Variants in ZFHX3 observed in about 807,000 individuals in gnomAD.
The protein encoded by ZFHX3 is zinc finger homeobox protein 3.
A neutral mutation model predicts 279.1 loss-of-function variants in ZFHX3; 42 were observed. The ratio of observed to expected loss-of-function variants is 0.15; its 90% CI spans 0.12 to 0.19. The LOEUF is 0.19. Among genes scored for constraint, ZFHX3 ranks in the 10% least tolerant of loss-of-function variants. The probability of loss-of-function intolerance (pLI) is 1.00; values close to 1 mark genes in which losing one functional copy is unlikely to be tolerated. For synonymous variants in ZFHX3, 2,293 were observed against 1,957.8 expected, an observed-to-expected ratio of 1.17 and a Z score of -4.52; for missense variants, 4,981 against 4,754.0, an observed-to-expected ratio of 1.05 and a Z score of -1.40.
chr16:73,833,813 A>G lies in ZFHX3; in HGVS notation c.-1608+57838T>C, dbSNP rs796491393. Among the ~76,000 whole-genome samples the G allele has an allele frequency of 2.0e-5, 3 of 149,996 alleles. No individual in the cohort carries two copies. In the South Asian group the frequency reaches 6.5e-4, roughly 32 times the overall value. Reference sequence around the variant, plus strand: ...TACATCATACAATGTGGTACCCGACATATGGTAGGTATTGAGCACCCACCA... The same window carrying G: ...TACATCATACAATGTGGTACCCGACGTATGGTAGGTATTGAGCACCCACCA... On this transcript the variant is annotated intron_variant, in intron 1 of 17. Coordinates refer to the ZFHX3 transcript ENST00000641206.
intron 1 of ZFHX3, among the ~76,000 whole-genome samples, chr16:73,689,944 TGA>T (rs2053132273): frequency 6.6e-6 from 1 of 151,888 alleles, no homozygotes; most frequent in Non-Finnish European, 1.5e-5. Flanking sequence ...CTCAGCCTCC[TGA>T]GTAGCATCAC....
intron 3 of ZFHX3, among the ~76,000 whole-genome samples, chr16:73,409,618 A>G (rs1228561051): frequency 6.6e-6 from 1 of 152,222 alleles, no homozygotes; most frequent in African/African-American, 2.4e-5. Flanking sequence ...ACTGCTGGGT[A>G]TAATCCCCAA....
intron 4 of ZFHX3, among the ~76,000 whole-genome samples, chr16:73,311,561 G>A (rs980369420): frequency 3.1e-5 from 4 of 129,926 alleles, no homozygotes; most frequent in African/African-American, 1.2e-4. Flanking sequence ...CAGCACTCCA[G>A]CCTGGGCGAC....
At position 72,787,752 on chromosome 16, in the gene ZFHX3, G is replaced by A. The variant is rs369714735; in HGVS notation, c.10524C>T (p.Gly3508=). 2.0e-5 allele frequency: 28 copies of A among 1,419,238 alleles called. 3 individuals carry two copies. The highest frequency in any genetic ancestry group is 4.0e-5 in the South Asian group (2 of 50,364). The allele number at this position is 1,419,238 out of a possible 1,614,324, so 87.9% of individuals were successfully genotyped here. A position where few individuals can be genotyped will look rare whatever the true frequency, so the allele number is the denominator to read the frequency against. The change falls in exon 10 of 10, where the codon GGC becomes GGT. Residue 3508 remains glycine, a synonymous_variant. Coordinates refer to ENST00000268489, the MANE Select transcript of ZFHX3 (RefSeq NM_006885.4). ...QEMVLHVPTG[G]GGGGSGGGGG... ...CGCCGCCGCCACTGCCACCGCCGCC[G>A]CCGCCGGTGGGGACGTGAAGCACCA...
chr16:73,058,194 C>CCGGCGG, intron 1 of ZFHX3, among the ~76,000 whole-genome samples: 1 of 144,206 alleles, frequency 6.9e-6, no homozygotes, highest in South Asian at 2.1e-4. Flanking sequence ...TCGCCGGCGG[C>CCGGCGG]CGGCGGCGGC....
intron 5 of ZFHX3, among the ~76,000 whole-genome samples, chr16:73,178,226 C>T (rs755286148): frequency 2.6e-5 from 4 of 151,912 alleles, no homozygotes; most frequent in Non-Finnish European, 4.4e-5. Flanking sequence ...CAACCTCTGC[C>T]TCCTCAGTTC....
Position 72,795,157 on chromosome 16 carries a change from G to C in ZFHX3, c.7525C>G (p.Leu2509Val). ...GGAGTTGATGTGTGGAGGGGCTTGA[G>C]GGGCAGGTGGGAGAGCTGGGAAGGA... ...PSPSQLSHLP[L>V]KPLHTSTPQQ... The change falls in exon 9 of 10, where the codon CTC (leucine) becomes GTC (valine). Residue 2509 changes from leucine to valine, a missense_variant. By Grantham distance (32) the Leu-to-Val change is conservative. Coordinates refer to ENST00000268489, the MANE Select transcript of ZFHX3 (RefSeq NM_006885.4). 1 of 1,612,486 alleles carries C rather than the reference G, an allele frequency of 6.2e-7. No homozygotes were observed. Among genetic ancestry groups the C allele is most frequent in the Middle Eastern group, 1.7e-4 (1 of 6,048 alleles).
chr16:73,093,432 C>A, exon 8 of ZFHX3: 1 of 482,088 alleles, frequency 2.1e-6, no homozygotes. Flanking sequence ...CGTTTGAGGG[C>A]CCCTTTCGCT....
chr16:73,683,777 G>A (rs1597064608), intron 1 of ZFHX3, among the ~76,000 whole-genome samples: 1 of 152,068 alleles, frequency 6.6e-6, no homozygotes, highest in African/African-American at 2.4e-5. Context: ...GTGCAACTCT[G>A]GATTCTCATT....
At position 72,959,570 on chromosome 16, in the gene ZFHX3, C is replaced by T. The variant is rs753637843; in HGVS notation, c.576G>A (p.Pro192=). ...CTATGTGGAAAGTGTTGATGATCTG[C>T]GGGTACACGGGTGCAGCACACGAAG... ...GDPSCAAPVY[P]QIINTFHIAS... The change falls in exon 2 of 10, where the codon CCG becomes CCA. Residue 192 remains proline, a synonymous_variant. Transcript: ENST00000268489. The T allele has an allele frequency of 4.3e-5, 70 of 1,614,028 alleles. No individual in the cohort carries two copies. In the Admixed American group the frequency reaches 9.0e-4, roughly 21 times the overall value.
intron 5 of ZFHX3, among the ~76,000 whole-genome samples, chr16:73,176,264 G>A (rs1967661202): frequency 6.6e-6 from 1 of 152,162 alleles, no homozygotes; most frequent in Non-Finnish European, 1.5e-5. Flanking sequence ...AGAAGGGTTT[G>A]GGGATGAATT....
intron 1 of ZFHX3, among the ~76,000 whole-genome samples, chr16:73,777,993 G>A (rs571670744): frequency 6.6e-6 from 1 of 151,984 alleles, no homozygotes; most frequent in African/African-American, 2.4e-5. Flanking sequence ...TCATGCCCTT[G>A]CATTCCAGCC....
chr16:72,788,562 C>G lies in ZFHX3; in HGVS notation c.9714G>C (p.Glu3238Asp), dbSNP rs772483176. 2.5e-6 allele frequency: 4 copies of G among 1,614,130 alleles called. No homozygotes were observed. In the East Asian group the frequency reaches 8.9e-5, roughly 36 times the overall value. ...GTGCCTTTTCCTTCTCCTTTACTTT[C>G]TCACTGTCTTTGTCCTTGCGTTGCT... is the stretch of plus-strand genomic sequence containing the variant. ...QQQQRKDKDS[E>D]KVKEKEKAHK... Residue 3238 changes from glutamate (E) to aspartate (D), a missense_variant, in exon 10 of 10, where the codon GAG (glutamate) becomes GAC (aspartate). Physicochemically the swap from Glu to Asp is conservative, Grantham distance 45 (BLOSUM62 2). This residue lies in a region of ZFHX3 where 1,034 missense variants were observed against 786.0 expected (regional missense o/e 1.32). Transcript: ENST00000268489.
chr16:73,737,613 A>G (rs778794819), intron 1 of ZFHX3, among the ~76,000 whole-genome samples: 3 of 152,174 alleles, frequency 2.0e-5, no homozygotes, highest in African/African-American at 2.4e-5. Context: ...CAAAGCTTCA[A>G]AGCAAGGGTC....
chr16:73,531,956 C>T (rs2019811835), intron 2 of ZFHX3, among the ~76,000 whole-genome samples: 1 of 151,512 alleles, frequency 6.6e-6, no homozygotes, highest in Admixed American at 6.6e-5. Context: ...GGATATGTGG[C>T]ATGCACCTGT....
At chr16:73,513,012 A>G (rs1445611778) in intron 2 of ZFHX3, among the ~76,000 whole-genome samples, 2 of 152,228 alleles carry the variant, frequency 1.3e-5, no homozygotes, top group Admixed American at 6.5e-5. Flanking sequence ...CCTAGTTTCA[A>G]TGAGGATAAT....
chr16:72,842,087 T>C (rs936053003), intron 4 of ZFHX3, among the ~76,000 whole-genome samples: 9 of 152,172 alleles, frequency 5.9e-5, no homozygotes, highest in African/African-American at 2.2e-4. Flanking sequence ...AAAGAAATAA[T>C]CTGGGATGCT....
chr16:73,838,484 A>G (rs1961203771), intron 1 of ZFHX3, among the ~76,000 whole-genome samples: 1 of 152,188 alleles, frequency 6.6e-6, no homozygotes, highest in Admixed American at 6.5e-5. Flanking sequence ...AGGTTTGAAT[A>G]AGGTCCAGCA....
chr16:73,338,953 C>T (rs569044269), intron 3 of ZFHX3, among the ~76,000 whole-genome samples: 6 of 152,288 alleles, frequency 3.9e-5, no homozygotes, highest in East Asian at 3.9e-4. Flanking sequence ...CTCCTGCCTT[C>T]GCCACGTGAT....
Sources: allele counts gnomAD v4.1 joint callset (sites outside exome capture counted in the v4.1 genomes callset), GRCh38; gene constraint gnomAD v4.1.1; regional missense constraint gnomAD v4.1.1; transcripts MANE v1.5; gene names NCBI Gene and HGNC (gene_info 2026-07-23, HGNC 2026-07-21).